Variants in C12orf42 observed in about 807,000 individuals in gnomAD.
C12orf42 encodes chromosome 12 open reading frame 42.
C12orf42 carries 25 observed loss-of-function variants against 21.6 expected under a neutral mutation model. The ratio of observed to expected loss-of-function variants is 1.16; its 90% CI spans 0.84 to 1.62. The LOEUF is 1.62. Ranked by LOEUF, C12orf42 falls within the 40% of genes most tolerant of loss-of-function variation. The pLI, the probability that C12orf42 is intolerant of heterozygous loss-of-function variation, is 0.00. For synonymous variants in C12orf42, 174 were observed against 175.0 expected (o/e 0.99, Z 0.05); for missense variants, 483 against 459.3 (o/e 1.05, Z -0.47).
chr12:103,544,619 C>T, the C12orf42 span, among the ~76,000 whole-genome samples: 2 of 152,306 alleles, frequency 1.3e-5, no homozygotes, highest in South Asian at 2.1e-4. Context: ...CACTTCTCTT[C>T]TTCTACAATA....
the C12orf42 span, among the ~76,000 whole-genome samples, chr12:103,097,730 A>T: frequency 6.6e-6 from 1 of 152,232 alleles, no homozygotes; most frequent in Admixed American, 6.5e-5. Flanking sequence ...TAGAGGAAAG[A>T]CAGGTAATGA....
chr12:103,091,160 A>G, the C12orf42 span, among the ~76,000 whole-genome samples: 1 of 152,176 alleles, frequency 6.6e-6, no homozygotes, highest in African/African-American at 2.4e-5. Context: ...AAATTCTAGC[A>G]CATTCATGTG....
chr12:103,246,312 G>A (rs189188573), intron 10 of C12orf42, among the ~76,000 whole-genome samples: 26 of 152,148 alleles, frequency 1.7e-4, no homozygotes, highest in African/African-American at 4.1e-4. Context: ...TTTGTTGGGC[G>A]ATTTCTTTTA....
chr12:103,542,287 G>A, the C12orf42 span, among the ~76,000 whole-genome samples: 6 of 152,174 alleles, frequency 3.9e-5, no homozygotes, highest in Non-Finnish European at 7.3e-5. Flanking sequence ...TGAGTGGTGC[G>A]TCTGTGAGTG....
the C12orf42 span, among the ~76,000 whole-genome samples, chr12:103,547,060 C>G: frequency 6.6e-6 from 1 of 152,172 alleles, no homozygotes; most frequent in African/African-American, 2.4e-5. Flanking sequence ...TATGAAGGCT[C>G]CAGTGTCATA....
chr12:103,128,511 A>G, the C12orf42 span, among the ~76,000 whole-genome samples: 2,945 of 152,334 alleles, frequency 0.019, 58 homozygotes, highest in African/African-American at 0.048. Flanking sequence ...CAAACTCAGT[A>G]CTTCCTACTT....
chr12:103,136,794 C>T, the C12orf42 span, among the ~76,000 whole-genome samples: 1 of 152,216 alleles, frequency 6.6e-6, no homozygotes, highest in African/African-American at 2.4e-5. Flanking sequence ...GACACCCTCT[C>T]TTCAATTAGT....
the C12orf42 span, among the ~76,000 whole-genome samples, chr12:103,229,211 C>A: frequency 6.6e-6 from 1 of 152,222 alleles, no homozygotes; most frequent in South Asian, 2.1e-4. Flanking sequence ...TCCTTCCTGC[C>A]TCTTCACTTT....
chr12:103,361,615 C>T lies in C12orf42; in HGVS notation c.259+7272G>A, dbSNP rs916621610. Reference sequence around the variant, plus strand: ...TTTCTCAGTTGAGAGGCTGCTAGTCCAGGGAAAGTTCTCAGCCCTGCTCAC... The same window carrying T: ...TTTCTCAGTTGAGAGGCTGCTAGTCTAGGGAAAGTTCTCAGCCCTGCTCAC... On this transcript the variant is annotated intron_variant, in intron 4 of 5. Transcript: ENST00000548883. 4.6e-5 allele frequency among the ~76,000 whole-genome samples: 7 copies of T among 152,142 alleles called. No homozygotes were observed. The East Asian group carries it at 1.2e-3, about 25-fold the overall frequency.
intron 10 of C12orf42, among the ~76,000 whole-genome samples, chr12:103,260,653 G>C (rs2034848914): frequency 6.6e-6 from 1 of 152,218 alleles, no homozygotes; most frequent in Non-Finnish European, 1.5e-5. Context: ...AGATTAATTT[G>C]CTGAATATCA....
the C12orf42 span, among the ~76,000 whole-genome samples, chr12:103,098,066 T>G: frequency 1.3e-5 from 2 of 152,238 alleles, no homozygotes; most frequent in Non-Finnish European, 2.9e-5. Flanking sequence ...CTGGAAATAT[T>G]GGGTCAATAT....
the C12orf42 span, among the ~76,000 whole-genome samples, chr12:103,213,922 C>T: frequency 6.6e-6 from 1 of 152,140 alleles, no homozygotes; most frequent in South Asian, 2.1e-4. Flanking sequence ...GATTGATACC[C>T]AGCACATGAG....
chr12:103,484,537 T>C (rs1954690172), intron 1 of C12orf42, among the ~76,000 whole-genome samples: 1 of 152,136 alleles, frequency 6.6e-6, no homozygotes, highest in Non-Finnish European at 1.5e-5. Flanking sequence ...GTTTAAGTTC[T>C]TTGTAGATTC....
At chr12:103,470,317 G>T (rs12582656) in intron 2 of C12orf42, among the ~76,000 whole-genome samples, 2 of 152,252 alleles carry the variant, frequency 1.3e-5, no homozygotes, top group East Asian at 3.9e-4. Context: ...ATACAAAGTT[G>T]TTTCAGAATT....
At chr12:103,439,059 GAT>G (rs1249541752) in intron 2 of C12orf42, among the ~76,000 whole-genome samples, 2 of 151,982 alleles carry the variant, frequency 1.3e-5, no homozygotes, top group African/African-American at 4.8e-5. Flanking sequence ...CCAAAACAGA[GAT>G]ATAGATCAAT....
At chr12:103,186,366 T>A in the C12orf42 span, among the ~76,000 whole-genome samples, 16 of 152,326 alleles carry the variant, frequency 1.1e-4, no homozygotes, top group South Asian at 2.1e-4. Context: ...CTTCTGTTAA[T>A]CTTCCTCATA....
At chr12:103,257,585 AT>A (rs1458339131) in intron 10 of C12orf42, among the ~76,000 whole-genome samples, 2 of 150,648 alleles carry the variant, frequency 1.3e-5, no homozygotes, top group African/African-American at 4.9e-5. Flanking sequence ...AGAACATATC[AT>A]TTTGAAAATG....
At chr12:103,122,001 G>C in the C12orf42 span, among the ~76,000 whole-genome samples, 2 of 152,112 alleles carry the variant, frequency 1.3e-5, no homozygotes, top group Admixed American at 1.3e-4. Flanking sequence ...CCTTGTCTCT[G>C]CTCAAGGTAG....
the C12orf42 span, chr12:103,549,452 CTTGT>C: frequency 1.7e-4 from 26 of 152,156 alleles, no homozygotes; most frequent in African/African-American, 6.3e-4. Context: ...TTTACATGCA[CTTGT>C]TTGTGTGTGT....
Sources: allele counts gnomAD v4.1 joint callset (sites outside exome capture counted in the v4.1 genomes callset), GRCh38; gene constraint gnomAD v4.1.1; transcripts MANE v1.5; gene names NCBI Gene and HGNC (gene_info 2026-07-23, HGNC 2026-07-21).